LHFPL3: variants seen among roughly 807,000 people sequenced by gnomAD.
The protein encoded by LHFPL3 is LHFPL tetraspan subfamily member 3, also known as LHFPL tetraspan subfamily member 3 protein.
LHFPL3 carries 5 observed loss-of-function variants against 19.3 expected under a neutral mutation model. That is an observed-to-expected ratio of 0.26 (90% CI 0.14 to 0.54). The LOEUF (loss-of-function observed/expected upper bound fraction) is 0.54, where lower values mean the gene tolerates loss of function less well. Among genes scored for constraint, LHFPL3 ranks in the 20% least tolerant of loss-of-function variants. The probability of loss-of-function intolerance (pLI) is 0.94; values close to 1 mark genes in which losing one functional copy is unlikely to be tolerated. For missense variants in LHFPL3, 249 were observed against 307.4 expected, an observed-to-expected ratio of 0.81 and a Z score of 1.42; for synonymous variants, 133 against 126.2, an observed-to-expected ratio of 1.05 and a Z score of -0.36.
At chr7:104,372,717 T>C (rs1298617696) in intron 1 of LHFPL3, among the ~76,000 whole-genome samples, 1 of 152,086 alleles carries the variant, frequency 6.6e-6, no homozygotes, top group African/African-American at 2.4e-5. Flanking sequence ...ATGAAGGTGG[T>C]TTGTGAATTT....
intron 1 of LHFPL3, among the ~76,000 whole-genome samples, chr7:104,344,945 T>C (rs2116374964): frequency 6.6e-6 from 1 of 152,322 alleles, no homozygotes; most frequent in East Asian, 1.9e-4. Context: ...AGTCTCTCTC[T>C]TTTTTTGTCT....
At chr7:104,335,868 A>AAG (rs2116354228) in intron 1 of LHFPL3, among the ~76,000 whole-genome samples, 1 of 151,826 alleles carries the variant, frequency 6.6e-6, no homozygotes, top group South Asian at 2.1e-4. Flanking sequence ...AAAAAAAAAA[A>AAG]AAAGAAACAG....
intron 2 of LHFPL3, among the ~76,000 whole-genome samples, chr7:104,803,750 A>G (rs1790300809): frequency 6.6e-6 from 1 of 152,244 alleles, no homozygotes; most frequent in African/African-American, 2.4e-5. Flanking sequence ...CTAACATGTA[A>G]TAAGGGCAAA....
rs558990540 is a variant in LHFPL3, at chr7:104,436,416, T to A, written c.445+107192T>A. Among the ~76,000 whole-genome samples, 8 of 152,302 alleles carry A rather than the reference T, an allele frequency of 5.3e-5. No individual in the cohort carries two copies. The East Asian group carries it at 1.3e-3, about 26-fold the overall frequency. On this transcript the variant is annotated intron_variant, in intron 1 of 2. Transcript: ENST00000424859. ...GAGTGAATAACTATCCCAGAGTTAA[T>A]CATGGCAGAACCAGGACTCAAACCC...
chr7:104,566,328 G>A (rs11772285), intron 1 of LHFPL3, among the ~76,000 whole-genome samples: 10,070 of 152,138 alleles, frequency 0.066, 514 homozygotes, highest in African/African-American at 0.15. Flanking sequence ...TCCAGCCTGA[G>A]TGACAGAGCA....
chr7:104,463,580 G>A (rs1305448965), intron 1 of LHFPL3, among the ~76,000 whole-genome samples: 2 of 152,184 alleles, frequency 1.3e-5, no homozygotes, highest in African/African-American at 2.4e-5. Context: ...GGCTAGAGAG[G>A]CCTCAGGAAA....
At chr7:104,365,698 G>A (rs931018737) in intron 1 of LHFPL3, among the ~76,000 whole-genome samples, 38 of 145,806 alleles carry the variant, frequency 2.6e-4, no homozygotes, top group Non-Finnish European at 4.5e-4. Context: ...GGAGAATGGC[G>A]TGAACCCGGG....
At chr7:104,590,653 G>A (rs10230495) in intron 1 of LHFPL3, among the ~76,000 whole-genome samples, 7,232 of 152,174 alleles carry the variant, frequency 0.048, 207 homozygotes, top group East Asian at 0.11. Flanking sequence ...GCTGAGTTCA[G>A]TTCCTGGATA....
chr7:104,506,266 G>A (rs572679119), intron 1 of LHFPL3, among the ~76,000 whole-genome samples: 4 of 134,604 alleles, frequency 3.0e-5, no homozygotes, highest in Admixed American at 2.2e-4. Context: ...CAACCCCACC[G>A]CCGCAATACC....
intron 2 of LHFPL3, among the ~76,000 whole-genome samples, chr7:104,832,880 G>A (rs140902986): frequency 0.011 from 1,572 of 143,032 alleles, 63 homozygotes; most frequent in African/African-American, 0.04. Context: ...AGGGGGCTGA[G>A]GCAGGAGAAT....
Position 104,678,425 on chromosome 7 carries a change from G to A in LHFPL3, c.446-58250G>A, listed in dbSNP as rs76608742. On this transcript the variant is annotated intron_variant, in intron 1 of 2. Coordinates refer to ENST00000424859, the MANE Select transcript of LHFPL3 (RefSeq NM_199000.3). ...TACATATTTCAAAAACAACCCCAAG[G>A]TGACCACTTAAAAGGAAGAGGGAAA... Among the ~76,000 whole-genome samples the A allele has an allele frequency of 7.7e-3, 1,179 of 152,208 alleles. 59 individuals are homozygous for A. The East Asian group carries it at 0.12, about 15-fold the overall frequency.
intron 1 of LHFPL3, among the ~76,000 whole-genome samples, chr7:104,608,070 T>C (rs1791138946): frequency 6.6e-6 from 1 of 152,192 alleles, no homozygotes; most frequent in Admixed American, 6.5e-5. Flanking sequence ...AGTTCAACCA[T>C]TGTGGAAGTC....
At chr7:104,669,113 A>C (rs1584471199) in intron 1 of LHFPL3, 7 of 1,612,792 alleles carry the variant, frequency 4.3e-6, no homozygotes, top group Non-Finnish European at 5.9e-6. Context: ...GAAGATTGCC[A>C]CTCTCCAACT....
chr7:104,446,812 G>A (rs889314440), intron 1 of LHFPL3, among the ~76,000 whole-genome samples: 42 of 152,026 alleles, frequency 2.8e-4, no homozygotes, highest in African/African-American at 9.7e-4. Context: ...CTCCCAAAGT[G>A]CTGTGATTAC....
At chr7:104,332,663 G>A (rs1450230214) in intron 1 of LHFPL3, among the ~76,000 whole-genome samples, 1 of 152,144 alleles carries the variant, frequency 6.6e-6, no homozygotes, top group Non-Finnish European at 1.5e-5. Context: ...ACCTGAAAAT[G>A]ATGTTGCTCG....
intron 2 of LHFPL3, among the ~76,000 whole-genome samples, chr7:104,844,414 A>T (rs1791273638): frequency 1.3e-5 from 2 of 152,222 alleles, no homozygotes; most frequent in South Asian, 4.1e-4. Context: ...ATTTTTACTT[A>T]TCTTTCTTTT....
intron 2 of LHFPL3, among the ~76,000 whole-genome samples, chr7:104,905,211 T>C (rs2116738724): frequency 6.6e-6 from 1 of 152,148 alleles, no homozygotes; most frequent in South Asian, 2.1e-4. Flanking sequence ...CCGCCTCAGC[T>C]TCCCAAAATG....
chr7:104,744,615 C>T (rs924338528), intron 2 of LHFPL3, among the ~76,000 whole-genome samples: 2 of 152,208 alleles, frequency 1.3e-5, no homozygotes, highest in African/African-American at 4.8e-5. Context: ...TTTTCATGAA[C>T]TCATTCCATT....
chr7:104,624,362 T>C (rs1791505568), intron 1 of LHFPL3, among the ~76,000 whole-genome samples: 1 of 152,208 alleles, frequency 6.6e-6, no homozygotes, highest in Non-Finnish European at 1.5e-5. Context: ...AAAGAGGACA[T>C]GTTGAGAATC....
Sources: gnomAD v4.1 joint callset for allele counts (sites outside exome capture counted in the v4.1 genomes callset) on GRCh38, gnomAD v4.1.1 for gene constraint, MANE v1.5 for transcripts, NCBI Gene and HGNC (gene_info 2026-07-23, HGNC 2026-07-21) for gene names.